Variants in DAB1 observed in about 807,000 individuals in gnomAD.
The protein encoded by DAB1 is disabled homolog 1.
DAB1 carries 15 observed loss-of-function variants against 64.6 expected under a neutral mutation model. The observed-to-expected ratio is 0.23, with a 90% confidence interval of 0.16 to 0.36. DAB1 has a LOEUF of 0.36. Ranked by LOEUF, DAB1 falls within the 10% of genes least tolerant of loss-of-function variation. The pLI is 1.00. For missense variants in DAB1, 596 were observed against 706.7 expected, an observed-to-expected ratio of 0.84 and a Z score of 1.78; for synonymous variants, 235 against 251.9, an observed-to-expected ratio of 0.93 and a Z score of 0.64.
chr1:57,869,065 A>G (rs1654424992), intron 1 of DAB1, among the ~76,000 whole-genome samples: 1 of 152,064 alleles, frequency 6.6e-6, no homozygotes, highest in South Asian at 2.1e-4. Context: ...TATGATATCC[A>G]ACTCTTTATG....
rs1197214779 is a variant in DAB1 at position 57,273,588 on chromosome 1, TTCCTTCCTTCCTTCCTTCCTTCCTTCCC to T, written c.67+17348_67+17375del. Among the ~76,000 whole-genome samples the T allele has an allele frequency of 6.8e-4, 83 of 121,306 alleles. 1 individual carries two copies. Among genetic ancestry groups the T allele is most frequent in the Middle Eastern group, 4.0e-3 (1 of 252 alleles). The allele number at this position is 121,306 out of a possible 152,430, so 79.6% of individuals were successfully genotyped here. A position where few individuals can be genotyped will look rare whatever the true frequency, so the allele number is the denominator to read the frequency against. On this transcript the variant is annotated intron_variant, in intron 2 of 14. Coordinates refer to ENST00000371236, the MANE Select transcript of DAB1 (RefSeq NM_001365792.1). ...CTTCCTTCCTTCCTTCCTTCCTTCC[TTCCTTCCTTCCTTCCTTCCTTCCTTCCC>T]TCCCTCCCTCCCTCCCTCCCTCCCT...
intron 7 of DAB1, among the ~76,000 whole-genome samples, chr1:57,519,473 T>A (rs1644500492): frequency 6.6e-6 from 1 of 152,118 alleles, no homozygotes; most frequent in Non-Finnish European, 1.5e-5. Context: ...CAGGTGAGTA[T>A]CTTGACCCCT....
chr1:58,136,741 T>G (rs1249688877), intron 5 of DAB1, among the ~76,000 whole-genome samples: 1 of 152,212 alleles, frequency 6.6e-6, no homozygotes, highest in Non-Finnish European at 1.5e-5. Context: ...ATCTAGGTTA[T>G]AAGACCTATC....
At chr1:58,042,916 G>A (rs1161670743) in intron 5 of DAB1, among the ~76,000 whole-genome samples, 4 of 152,206 alleles carry the variant, frequency 2.6e-5, no homozygotes, top group African/African-American at 4.8e-5. Context: ...ACACTGTGGG[G>A]TGATGGATTG....
intron 2 of DAB1, among the ~76,000 whole-genome samples, chr1:57,201,750 T>A (rs984243136): frequency 9.2e-5 from 14 of 152,208 alleles, no homozygotes; most frequent in African/African-American, 3.4e-4. Flanking sequence ...ATTAGCTGGA[T>A]GTCTTTCATA....
intron 7 of DAB1, among the ~76,000 whole-genome samples, chr1:57,521,627 C>A (rs1644528102): frequency 6.6e-6 from 1 of 152,110 alleles, no homozygotes; most frequent in African/African-American, 2.4e-5. Flanking sequence ...TCATTCCCTC[C>A]CAAAACACCA....
At chr1:57,150,021 C>T (rs1006652683) in intron 2 of DAB1, among the ~76,000 whole-genome samples, 3 of 152,096 alleles carry the variant, frequency 2.0e-5, no homozygotes, top group African/African-American at 7.2e-5. Context: ...TTGAGTTCTC[C>T]CACTGAGAGA....
chr1:57,050,091 T>C (rs1403791466), intron 9 of DAB1, among the ~76,000 whole-genome samples: 1 of 152,184 alleles, frequency 6.6e-6, no homozygotes, highest in African/African-American at 2.4e-5. Context: ...CTTCTGATTA[T>C]TATTAATCTG....
chr1:57,715,601 T>C (rs950610710), intron 6 of DAB1, among the ~76,000 whole-genome samples: 1 of 152,140 alleles, frequency 6.6e-6, no homozygotes, highest in Non-Finnish European at 1.5e-5. Flanking sequence ...TTGTAGGATA[T>C]AAAATCAACA....
intron 7 of DAB1, among the ~76,000 whole-genome samples, chr1:57,457,139 A>G (rs1686625686): frequency 2.0e-5 from 3 of 151,980 alleles, no homozygotes; most frequent in Admixed American, 1.3e-4. Context: ...ACTGCTCCTC[A>G]TCTACACTTC....
At chr1:57,441,275 T>G (rs1685938544) in intron 7 of DAB1, among the ~76,000 whole-genome samples, 1 of 24,938 alleles carries the variant, frequency 4.0e-5, no homozygotes, top group Non-Finnish European at 1.2e-4. Flanking sequence ...TTTCTTTCTC[T>G]TTCTTTCTTT....
chr1:57,499,366 G>A (rs1644264605), intron 7 of DAB1, among the ~76,000 whole-genome samples: 1 of 152,196 alleles, frequency 6.6e-6, no homozygotes, highest in Admixed American at 6.5e-5. Flanking sequence ...TTTGCTGAGA[G>A]TCAGAGAGGT....
chr1:57,217,189 G>A (rs1666493266), intron 2 of DAB1, among the ~76,000 whole-genome samples: 1 of 152,148 alleles, frequency 6.6e-6, no homozygotes, highest in South Asian at 2.1e-4. Context: ...GTTTCCTCCT[G>A]AAATACCTAT....
chr1:57,611,586 T>C (rs997554195), intron 7 of DAB1, among the ~76,000 whole-genome samples: 2 of 152,148 alleles, frequency 1.3e-5, no homozygotes, highest in Admixed American at 1.3e-4. Context: ...AGATGTCCTC[T>C]GAATTCACCC....
chr1:57,186,307 A>G (rs1663556618), intron 2 of DAB1, among the ~76,000 whole-genome samples: 1 of 152,144 alleles, frequency 6.6e-6, no homozygotes, highest in South Asian at 2.1e-4. Flanking sequence ...AAAAACCCAC[A>G]TGTTGTGTCC....
intron 2 of DAB1, among the ~76,000 whole-genome samples, chr1:57,189,056 C>G (rs1182283943): frequency 6.6e-6 from 1 of 152,058 alleles, no homozygotes; most frequent in Non-Finnish European, 1.5e-5. Context: ...CTGTTGGACT[C>G]CACTTGACAT....
chr1:57,218,660 G>A lies in DAB1; in HGVS notation c.67+72304C>T, dbSNP rs191759206. ...CAATGAGCCATGATCATGAACCAGG[G>A]TGACAGAGCATATATAAATGCTCCC... is the stretch of plus-strand genomic sequence containing the variant. On this transcript the variant is annotated intron_variant, in intron 2 of 14. Transcript: ENST00000371236. Among the ~76,000 whole-genome samples, 9 of 152,126 alleles carry A rather than the reference G, an allele frequency of 5.9e-5. No homozygotes were observed. The East Asian group carries it at 1.7e-3, about 29-fold the overall frequency.
chr1:58,092,416 C>T (rs574054032), intron 5 of DAB1, among the ~76,000 whole-genome samples: 1 of 152,072 alleles, frequency 6.6e-6, no homozygotes. Context: ...TTCAGCTGAT[C>T]CCCTCATAGA....
intron 10 of DAB1, among the ~76,000 whole-genome samples, chr1:57,025,164 G>A (rs760849757): frequency 6.6e-6 from 1 of 152,246 alleles, no homozygotes; most frequent in African/African-American, 2.4e-5. Flanking sequence ...CCCTCCTCCG[G>A]GAATGGGCAG....
Sources: allele counts gnomAD v4.1 joint callset (sites outside exome capture counted in the v4.1 genomes callset), GRCh38; gene constraint gnomAD v4.1.1; transcripts MANE v1.5; gene names NCBI Gene and HGNC (gene_info 2026-07-23, HGNC 2026-07-21).